Variants in CCDC85C observed in about 807,000 individuals in gnomAD.
CCDC85C encodes the protein coiled-coil domain containing 85C, also known as coiled-coil domain-containing protein 85C.
In CCDC85C, 18 loss-of-function variants were observed where a neutral mutation model predicts 38.3. The observed-to-expected ratio is 0.47, with a 90% confidence interval of 0.33 to 0.70. CCDC85C has a LOEUF of 0.70. Ranked by LOEUF, CCDC85C falls within the 30% of genes least tolerant of loss-of-function variation. The pLI is 0.03. For synonymous variants in CCDC85C, 264 were observed against 293.8 expected, an observed-to-expected ratio of 0.90 and a Z score of 1.04; for missense variants, 566 against 621.2, an observed-to-expected ratio of 0.91 and a Z score of 0.94.
intron 1 of CCDC85C, among the ~76,000 whole-genome samples, chr14:99,563,234 C>T (rs1462927906): frequency 6.6e-6 from 1 of 152,262 alleles, no homozygotes; most frequent in Non-Finnish European, 1.5e-5. Flanking sequence ...GGAGGCCAGG[C>T]ATCCTCCCTC....
At chr14:99,534,735 C>A (rs1005941699) in intron 2 of CCDC85C, 1 of 702,268 alleles carries the variant, frequency 1.4e-6, no homozygotes, top group South Asian at 1.5e-5. Flanking sequence ...GTCTAGGGAG[C>A]CCCACTCCAC....
At chr14:99,552,796 G>A (rs907044673) in intron 1 of CCDC85C, among the ~76,000 whole-genome samples, 23 of 152,260 alleles carry the variant, frequency 1.5e-4, no homozygotes, top group Non-Finnish European at 2.6e-4. Context: ...CCCGCAAGGG[G>A]GCCACGAGCT....
At chr14:99,523,892 G>C (rs544595399) in intron 2 of CCDC85C, among the ~76,000 whole-genome samples, 1 of 151,990 alleles carries the variant, frequency 6.6e-6, no homozygotes, top group Middle Eastern at 3.2e-3. Flanking sequence ...AGGCACTCAC[G>C]GCCCGCAGGT....
Position 99,603,865 on chromosome 14 carries a change from G to C in CCDC85C, c.95C>G (p.Ala32Gly). 1 of 1,515,292 alleles carries C rather than the reference G, an allele frequency of 6.6e-7. No homozygotes were observed. Among genetic ancestry groups the C allele is most frequent in the East Asian group, 2.6e-5 (1 of 38,302 alleles). The allele number at this position is 1,515,292 out of a possible 1,614,324, so 93.9% of individuals were successfully genotyped here. Residue 32 changes from alanine to glycine, a missense_variant, in exon 1 of 6, where the codon GCG becomes GGG. Coordinates refer to ENST00000380243, the MANE Select transcript of CCDC85C (RefSeq NM_001144995.2). This position sits in a 1 kb window ranked among gnomAD's most constrained non-coding sequence, Gnocchi z 7.5. ...GCCCTCGGCGCGCCGCAGCCGCCGC[G>C]CCAGCTCCTCCTTGCTCCAGCGCAG... ...ELLRWSKEEL[A>G]RRLRRAEGEK...
In CCDC85C at chr14:99,584,766, C is replaced by T. The variant is rs74083736; in HGVS notation, c.793+18401G>A. ...AAGTCCACATAACTGCCCCACTGCC[C>T]ACAGAGCGGGGGAAAAATCACACTC... On this transcript the variant is annotated intron_variant, in intron 1 of 5. Coordinates refer to ENST00000380243, the MANE Select transcript of CCDC85C (RefSeq NM_001144995.2). Among the ~76,000 whole-genome samples, 135 of 152,338 alleles carry T rather than the reference C, an allele frequency of 8.9e-4. 1 individual carries two copies. Among genetic ancestry groups the T allele is most frequent in the African/African-American group, 3.1e-3 (130 of 41,578 alleles).
chr14:99,528,405 G>T (rs923059716), intron 2 of CCDC85C, among the ~76,000 whole-genome samples: 11 of 152,178 alleles, frequency 7.2e-5, no homozygotes, highest in African/African-American at 1.9e-4. Flanking sequence ...CAGGGTTGGG[G>T]CTCGCCAAGG....
At chr14:99,530,706 G>A (rs1045663793) in intron 2 of CCDC85C, among the ~76,000 whole-genome samples, 10 of 152,218 alleles carry the variant, frequency 6.6e-5, no homozygotes, top group South Asian at 2.1e-4. Flanking sequence ...CCTTGGGACC[G>A]CCTGGGGTGC....
At position 99,503,237 on chromosome 14, in the gene CCDC85C, T is replaced by C. The variant is rs1896884800; in HGVS notation, c.*12009A>G. 8 of 659,144 alleles carry C rather than the reference T, an allele frequency of 1.2e-5. No homozygotes were observed. The Admixed American group carries it at 1.6e-4, about 13-fold the overall frequency. 40.8% of individuals were successfully genotyped at this position (659,144 alleles called of 1,614,324 possible). A position where few individuals can be genotyped will look rare whatever the true frequency, so the allele number is the denominator to read the frequency against. ...CTGCCTGTTTCATCCCTGCCAGGGTTCTGAAGCCTGTCGGTGTCGTTGCCG... is the reference window on the plus strand; with the variant it reads ...CTGCCTGTTTCATCCCTGCCAGGGTCCTGAAGCCTGTCGGTGTCGTTGCCG... On this transcript the variant is annotated 3_prime_UTR_variant, in exon 6 of 6. Transcript: ENST00000380243.
intron 1 of CCDC85C, among the ~76,000 whole-genome samples, chr14:99,536,550 A>G (rs1897605183): frequency 1.3e-5 from 2 of 152,164 alleles, no homozygotes; most frequent in South Asian, 4.1e-4. Flanking sequence ...TCCTCTACAC[A>G]GTGGGGAAAC....
At chr14:99,562,984 A>G (rs937657662) in intron 1 of CCDC85C, among the ~76,000 whole-genome samples, 1 of 152,190 alleles carries the variant, frequency 6.6e-6, no homozygotes, top group African/African-American at 2.4e-5. Flanking sequence ...GGGGTCATTT[A>G]TTTTAATTAT....
At chr14:99,524,064 C>T (rs182911655) in intron 2 of CCDC85C, among the ~76,000 whole-genome samples, 143 of 145,978 alleles carry the variant, frequency 9.8e-4, no homozygotes, top group Middle Eastern at 3.6e-3. Context: ...TGGGTCACCT[C>T]TCCTGAGAGA....
intron 2 of CCDC85C, chr14:99,522,731 C>A: frequency 6.5e-6 from 1 of 154,156 alleles, no homozygotes; most frequent in Non-Finnish European, 1.4e-5. Flanking sequence ...CCCAGGCTGC[C>A]TCCCCCATCG....
chr14:99,559,742 T>C (rs1355234036), intron 1 of CCDC85C, among the ~76,000 whole-genome samples: 1 of 152,154 alleles, frequency 6.6e-6, no homozygotes, highest in Non-Finnish European at 1.5e-5. Context: ...AGGGTTGTGA[T>C]GTAGCCACTG....
At chr14:99,530,820 C>T (rs375942703) in intron 2 of CCDC85C, among the ~76,000 whole-genome samples, 2 of 152,204 alleles carry the variant, frequency 1.3e-5, no homozygotes, top group African/African-American at 4.8e-5. Flanking sequence ...AGCAGGTGAG[C>T]GCTGGGGCGG....
chr14:99,554,417 T>C (rs990507218), intron 1 of CCDC85C, among the ~76,000 whole-genome samples: 13 of 152,080 alleles, frequency 8.5e-5, no homozygotes, highest in African/African-American at 2.7e-4. Flanking sequence ...GGCACTGGAG[T>C]GTGCATGTCC....
intron 2 of CCDC85C, among the ~76,000 whole-genome samples, chr14:99,530,678 C>T (rs1256846438): frequency 6.6e-6 from 1 of 152,256 alleles, no homozygotes; most frequent in Non-Finnish European, 1.5e-5. Context: ...GTCAGCCAGA[C>T]CTCGAAAGAT....
rs1201925549 is a variant in CCDC85C at position 99,513,024 on chromosome 14, C to T, written c.*2222G>A. 6.6e-6 allele frequency: 1 copy of T among 152,236 alleles called. No individual in the cohort carries two copies. Among genetic ancestry groups the T allele is most frequent in the Non-Finnish European group, 1.5e-5 (1 of 68,046 alleles). The allele number at this position is 152,236 out of a possible 1,614,324, so 9.4% of individuals were successfully genotyped here. A position where few individuals can be genotyped will look rare whatever the true frequency, so the allele number is the denominator to read the frequency against. On this transcript the variant is annotated 3_prime_UTR_variant, in exon 6 of 6. Transcript: ENST00000380243. The stretch of plus-strand genomic sequence containing the variant: ...CTCAGGGGTCACCAGCTTTGTGCTG[C>T]CTCCGTAACAGCAGGAGGGTTCTCA...
At position 99,511,981 on chromosome 14, in the gene CCDC85C, C is replaced by T. The variant is rs374997897; in HGVS notation, c.*3265G>A. 6.6e-6 allele frequency: 1 copy of T among 152,258 alleles called. No individual in the cohort carries two copies. The highest frequency in any genetic ancestry group is 6.5e-5 in the Admixed American group (1 of 15,278). The allele number at this position is 152,258 out of a possible 1,614,324, so 9.4% of individuals were successfully genotyped here. ...TGCTTGAGGGGCCTTGGCCCTGTCT[C>T]TGCCTGCTGACCCTGCCACCCACGA... On this transcript the variant is annotated 3_prime_UTR_variant, in exon 6 of 6. Coordinates refer to ENST00000380243, the MANE Select transcript of CCDC85C (RefSeq NM_001144995.2).
At chr14:99,574,376 C>T (rs954377153) in intron 1 of CCDC85C, among the ~76,000 whole-genome samples, 1 of 152,122 alleles carries the variant, frequency 6.6e-6, no homozygotes, top group African/African-American at 2.4e-5. Context: ...ACTCTCCGTG[C>T]TATATCCCGG....
Sources: gnomAD v4.1 joint callset for allele counts (sites outside exome capture counted in the v4.1 genomes callset) on GRCh38, gnomAD v4.1.1 for gene constraint, Gnocchi (gnomAD v3.1) non-coding constraint, MANE v1.5 for transcripts, NCBI Gene and HGNC (gene_info 2026-07-23, HGNC 2026-07-21) for gene names.